Variants in CSMD1 observed in about 807,000 individuals in gnomAD.
CSMD1 encodes CUB and sushi domain-containing protein 1.
CSMD1 carries 213 observed loss-of-function variants against 417.5 expected under a neutral mutation model. The ratio of observed to expected loss-of-function variants is 0.51; its 90% confidence interval spans 0.46 to 0.57. The LOEUF (loss-of-function observed/expected upper bound fraction) is 0.57. CSMD1 is among the 20% of genes least tolerant of loss of function. CSMD1 has a pLI of 0.00. For synonymous variants in CSMD1, 2,862 were observed against 1,736.8 expected (o/e 1.65, Z -16.11); for missense variants, 6,923 against 4,529.7 (o/e 1.53, Z -15.17).
At chr8:3,657,884 A>G (rs1447511995) in intron 7 of CSMD1, among the ~76,000 whole-genome samples, 1 of 152,118 alleles carries the variant, frequency 6.6e-6, no homozygotes, top group Non-Finnish European at 1.5e-5. Context: ...TCCTCTTGAA[A>G]CTTACCCTGG....
intron 5 of CSMD1, among the ~76,000 whole-genome samples, chr8:3,845,566 G>A (rs1407827862): frequency 6.6e-6 from 1 of 152,140 alleles, no homozygotes. Context: ...GTGAACGAGT[G>A]ATTATGAAGG....
At chr8:3,502,352 G>A (rs1398238406) in intron 10 of CSMD1, among the ~76,000 whole-genome samples, 4 of 119,186 alleles carry the variant, frequency 3.4e-5, no homozygotes, top group Admixed American at 2.0e-4. Context: ...GGGACAGACC[G>A]AGACTTCATC....
At chr8:4,788,126 G>C in intron 1 of CSMD1, 1 of 1,602,398 alleles carries the variant, frequency 6.2e-7, no homozygotes. Context: ...TAGTGTTGAT[G>C]GGCTCTACTT....
At chr8:4,493,515 T>C (rs890255982) in intron 2 of CSMD1, among the ~76,000 whole-genome samples, 2 of 151,988 alleles carry the variant, frequency 1.3e-5, no homozygotes, top group African/African-American at 2.4e-5. Context: ...GGGTAACATA[T>C]TGGGATCCCA....
rs549042600 is a variant in CSMD1 at position 3,473,413 on chromosome 8, T to C, written c.1449-4589A>G. ...AGCTGATTAACTTACAAAAATTTCA[T>C]ACAGTAAAAGCACTTTTTATTTTTA... On this transcript the variant is annotated intron_variant, in intron 11 of 69. Coordinates refer to ENST00000635120, the MANE Select transcript of CSMD1 (RefSeq NM_033225.6). Among the ~76,000 whole-genome samples, 19 of 152,342 alleles carry C rather than the reference T, an allele frequency of 1.2e-4. 1 individual carries two copies. In the South Asian group the frequency reaches 3.5e-3, roughly 28 times the overall value.
intron 3 of CSMD1, among the ~76,000 whole-genome samples, chr8:4,214,069 C>T (rs1041154126): frequency 3.9e-5 from 6 of 152,094 alleles, no homozygotes; most frequent in Non-Finnish European, 2.9e-5. Flanking sequence ...AAATATCTGA[C>T]CTACTGAATT....
chr8:3,668,574 T>C (rs1798824317), intron 7 of CSMD1, among the ~76,000 whole-genome samples: 1 of 152,126 alleles, frequency 6.6e-6, no homozygotes, highest in Non-Finnish European at 1.5e-5. Context: ...GGATCAAGCC[T>C]GGTCCTTACT....
At chr8:4,952,885 A>T (rs1297086197) in intron 1 of CSMD1, among the ~76,000 whole-genome samples, 1 of 152,150 alleles carries the variant, frequency 6.6e-6, no homozygotes, top group Admixed American at 6.6e-5. Context: ...GTTGTTAACA[A>T]ATGTTTTTGA....
intron 3 of CSMD1, among the ~76,000 whole-genome samples, chr8:4,056,667 T>C (rs961410486): frequency 6.6e-6 from 1 of 151,980 alleles, no homozygotes; most frequent in Non-Finnish European, 1.5e-5. Flanking sequence ...GTATATCTCC[T>C]CATGCTATCC....
chr8:4,396,403 G>T (rs1182666180), intron 3 of CSMD1, among the ~76,000 whole-genome samples: 1 of 152,128 alleles, frequency 6.6e-6, no homozygotes, highest in Non-Finnish European at 1.5e-5. Context: ...GGAGGCAGAG[G>T]TTTCAGTGAA....
At position 4,144,004 on chromosome 8, in the gene CSMD1, G is replaced by T. The variant is rs1406529601; in HGVS notation, c.416-111905C>A. ...TCTCCCTTTCCATCTGAGACACGGT[G>T]GAAGGAGGAGGGCTATAGAGAAAGC... On this transcript the variant is annotated intron_variant, in intron 3 of 69. Coordinates refer to ENST00000635120, the MANE Select transcript of CSMD1 (RefSeq NM_033225.6). Among the ~76,000 whole-genome samples, 3 of 151,326 alleles carry T rather than the reference G, an allele frequency of 2.0e-5. No individual in the cohort carries two copies. In the East Asian group the frequency reaches 5.8e-4, roughly 29 times the overall value.
intron 5 of CSMD1, among the ~76,000 whole-genome samples, chr8:3,774,353 G>C (rs1982696): frequency 6.6e-6 from 1 of 151,860 alleles, no homozygotes; most frequent in Admixed American, 6.6e-5. Flanking sequence ...TCATATGGCG[G>C]TTGTTTGGAT....
At chr8:4,303,679 G>A (rs1237232925) in intron 3 of CSMD1, among the ~76,000 whole-genome samples, 2 of 151,710 alleles carry the variant, frequency 1.3e-5, no homozygotes, top group African/African-American at 4.8e-5. Context: ...TTTTTGAGAT[G>A]TAGTCTTGCT....
chr8:3,116,330 G>A (rs996024288), intron 42 of CSMD1, among the ~76,000 whole-genome samples: 1 of 150,930 alleles, frequency 6.6e-6, no homozygotes, highest in African/African-American at 2.5e-5. Flanking sequence ...TAGTAAAAAT[G>A]TTTGTTTAGT....
intron 4 of CSMD1, among the ~76,000 whole-genome samples, chr8:4,014,373 A>G (rs1796419946): frequency 6.6e-6 from 1 of 152,194 alleles, no homozygotes; most frequent in Non-Finnish European, 1.5e-5. Flanking sequence ...GAATCAAATT[A>G]TGTCAATGCA....
intron 3 of CSMD1, among the ~76,000 whole-genome samples, chr8:4,032,504 G>C (rs72624014): frequency 4.6e-5 from 7 of 152,188 alleles, no homozygotes; most frequent in African/African-American, 1.7e-4. Flanking sequence ...AATACTGCAA[G>C]AGTGAATACT....
intron 3 of CSMD1, among the ~76,000 whole-genome samples, chr8:4,067,198 A>G (rs897150572): frequency 6.6e-6 from 1 of 152,250 alleles, no homozygotes; most frequent in African/African-American, 2.4e-5. Flanking sequence ...CCGTCTTTGC[A>G]TCTATTTTAT....
At chr8:3,857,730 G>C (rs550382389) in intron 5 of CSMD1, among the ~76,000 whole-genome samples, 5 of 152,302 alleles carry the variant, frequency 3.3e-5, no homozygotes, top group East Asian at 3.9e-4. Context: ...CATTTACAAA[G>C]ACAGTTTTTG....
chr8:4,345,134 C>T (rs536117218), intron 3 of CSMD1, among the ~76,000 whole-genome samples: 5 of 152,074 alleles, frequency 3.3e-5, no homozygotes, highest in Admixed American at 6.6e-5. Context: ...TCAGTAATTT[C>T]GGATTCAAGA....
Sources: gnomAD v4.1 joint callset for allele counts (sites outside exome capture counted in the v4.1 genomes callset) on GRCh38, gnomAD v4.1.1 for gene constraint, MANE v1.5 for transcripts, NCBI Gene and HGNC (gene_info 2026-07-23, HGNC 2026-07-21) for gene names.